ANO4: variants seen among roughly 807,000 people sequenced by gnomAD.
ANO4 encodes anoctamin 4, also known as anoctamin-4.
ANO4 carries 69 observed loss-of-function variants against 141.9 expected under a neutral mutation model. The ratio of observed to expected loss-of-function variants is 0.49; its 90% CI spans 0.40 to 0.59. The LOEUF (loss-of-function observed/expected upper bound fraction) is 0.59. ANO4 is among the 20% of genes least tolerant of loss of function. ANO4 has a pLI of 0.00. For missense variants in ANO4, 894 were observed against 1,162.2 expected, an observed-to-expected ratio of 0.77 and a Z score of 3.36; for synonymous variants, 350 against 394.3, an observed-to-expected ratio of 0.89 and a Z score of 1.33.
chr12:101,025,572 G>A (rs548176307), intron 9 of ANO4, among the ~76,000 whole-genome samples: 3 of 152,294 alleles, frequency 2.0e-5, no homozygotes, highest in African/African-American at 7.2e-5. Context: ...AATACCCAAG[G>A]CCAGAGAAAG....
chr12:100,901,653 T>C lies in ANO4; in HGVS notation c.-133T>C, dbSNP rs200782384. On this transcript the variant is annotated 5_prime_UTR_variant, in exon 2 of 28. Coordinates refer to ENST00000392977, the MANE Select transcript of ANO4 (RefSeq NM_001286615.2). ...TGCCATTTCTCATTCCAGGTTTAAG[T>C]TTATCTATTCATGGGGCTGAAAAGC... The C allele has an allele frequency of 3.7e-6, 3 of 817,928 alleles. No individual in the cohort carries two copies. Among genetic ancestry groups the C allele is most frequent in the Non-Finnish European group, 6.6e-6 (3 of 456,460 alleles). The allele number at this position is 817,928 out of a possible 1,614,324, so 50.7% of individuals were successfully genotyped here.
intron 5 of ANO4, among the ~76,000 whole-genome samples, chr12:100,962,700 A>C (rs1206665959): frequency 6.6e-6 from 1 of 152,202 alleles, no homozygotes; most frequent in East Asian, 1.9e-4. Context: ...CAGCTTCTAG[A>C]GACCCCTCAG....
chr12:101,108,773 A>G (rs967617226), intron 22 of ANO4, among the ~76,000 whole-genome samples: 2 of 152,080 alleles, frequency 1.3e-5, no homozygotes, highest in African/African-American at 4.8e-5. Flanking sequence ...ATCAGAAACC[A>G]CCTCCTTTTG....
At chr12:101,076,810 C>G (rs1482650015) in intron 14 of ANO4, among the ~76,000 whole-genome samples, 3 of 152,058 alleles carry the variant, frequency 2.0e-5, no homozygotes, top group Admixed American at 2.0e-4. Context: ...CCCTAGAGAC[C>G]AAGGAGGGAA....
chr12:101,106,978 T>A lies in ANO4; in HGVS notation c.2150-3426T>A, dbSNP rs531019693. On this transcript the variant is annotated intron_variant, in intron 22 of 27. Coordinates refer to ENST00000392977, the MANE Select transcript of ANO4 (RefSeq NM_001286615.2). The stretch of plus-strand genomic sequence containing the variant: ...CTTTGTGCTATGTAAAAATGATTGG[T>A]TGGTTTGGTTTTAGGCCATAATATT... 3.3e-5 allele frequency among the ~76,000 whole-genome samples: 5 copies of A among 152,040 alleles called. No individual in the cohort carries two copies. In the East Asian group the frequency reaches 9.7e-4, roughly 29 times the overall value.
chr12:101,120,417 A>G, intron 25 of ANO4, 103 bp from the exon 26 acceptor site: 1 of 1,001,258 alleles, frequency 1.0e-6, no homozygotes, highest in South Asian at 1.6e-5. Context: ...GAGAAACTTC[A>G]AATTTCCCTC....
At chr12:100,722,416 C>T (rs1398848989) in intron 1 of ANO4, among the ~76,000 whole-genome samples, 14 of 152,144 alleles carry the variant, frequency 9.2e-5, no homozygotes, top group Admixed American at 9.2e-4. Context: ...CTGCCCTTCT[C>T]TCTTGTTGCC....
chr12:100,916,638 G>A (rs1328820861), intron 2 of ANO4, among the ~76,000 whole-genome samples: 1 of 152,136 alleles, frequency 6.6e-6, no homozygotes, highest in East Asian at 1.9e-4. Context: ...TAGGTACTCT[G>A]ACTCATTTTT....
chr12:100,885,466 C>G (rs959724718), intron 1 of ANO4: 2 of 152,208 alleles, frequency 1.3e-5, no homozygotes, highest in African/African-American at 4.8e-5. Flanking sequence ...TCCAGTGGAC[C>G]TTCTTCTGCT....
intron 5 of ANO4, among the ~76,000 whole-genome samples, chr12:100,963,970 C>T (rs1252927895): frequency 6.6e-6 from 1 of 152,194 alleles, no homozygotes. Context: ...TTATTTTCCT[C>T]ATTTTACAAA....
At chr12:101,038,820 A>G (rs2047302532) in intron 10 of ANO4, 1 of 152,074 alleles carries the variant, frequency 6.6e-6, no homozygotes. Context: ...CAGGCCTGTA[A>G]CCCCAGCACT....
chr12:100,985,469 G>A (rs919899772), intron 7 of ANO4, among the ~76,000 whole-genome samples: 2 of 152,132 alleles, frequency 1.3e-5, no homozygotes, highest in African/African-American at 2.4e-5. Flanking sequence ...CCATTTTATA[G>A]ATAAGGAAAC....
At chr12:100,959,115 C>T (rs1555262271) in intron 5 of ANO4, among the ~76,000 whole-genome samples, 1 of 151,804 alleles carries the variant, frequency 6.6e-6, no homozygotes, top group Non-Finnish European at 1.5e-5. Context: ...CCCCCCTCCA[C>T]AGACACACAC....
intron 14 of ANO4, among the ~76,000 whole-genome samples, chr12:101,049,895 G>A (rs933875800): frequency 1.3e-5 from 2 of 152,166 alleles, no homozygotes; most frequent in African/African-American, 4.8e-5. Flanking sequence ...CTGGGAAAAG[G>A]CCTGAGGTTC....
intron 1 of ANO4, among the ~76,000 whole-genome samples, chr12:100,840,861 C>T (rs902808940): frequency 2.6e-5 from 4 of 152,104 alleles, no homozygotes; most frequent in African/African-American, 9.7e-5. Flanking sequence ...TAATTATTTC[C>T]TGCATTTGTC....
chr12:100,952,665 C>T (rs2043017840), intron 5 of ANO4, among the ~76,000 whole-genome samples: 1 of 152,198 alleles, frequency 6.6e-6, no homozygotes, highest in Admixed American at 6.5e-5. Flanking sequence ...TGTATTCTTA[C>T]TGGTTCATCT....
chr12:100,728,338 C>T (rs2031230284), intron 1 of ANO4, among the ~76,000 whole-genome samples: 1 of 152,218 alleles, frequency 6.6e-6, no homozygotes, highest in Admixed American at 6.5e-5. Flanking sequence ...AAGCAGTCCT[C>T]TGAAAACAGT....
At chr12:100,768,106 C>T (rs531796566) in intron 3 of ANO4, among the ~76,000 whole-genome samples, 7 of 152,176 alleles carry the variant, frequency 4.6e-5, no homozygotes, top group African/African-American at 1.4e-4. Context: ...AAGCCTAGGG[C>T]TCTGGAGCTG....
chr12:100,730,542 G>T (rs1383487332), intron 1 of ANO4, among the ~76,000 whole-genome samples: 2 of 152,108 alleles, frequency 1.3e-5, no homozygotes, highest in African/African-American at 4.8e-5. Flanking sequence ...CTTTAATTTT[G>T]TTCCTTCCTT....
Sources: allele counts gnomAD v4.1 joint callset (sites outside exome capture counted in the v4.1 genomes callset), GRCh38; gene constraint gnomAD v4.1.1; transcripts MANE v1.5; gene names NCBI Gene and HGNC (gene_info 2026-07-23, HGNC 2026-07-21).